Variants in PRKAR2A observed in about 807,000 individuals in gnomAD.
The protein encoded by PRKAR2A is protein kinase cAMP-dependent type II regulatory subunit alpha.
In PRKAR2A, 29 loss-of-function variants were observed where a neutral mutation model predicts 51.9. The observed-to-expected ratio is 0.56, with a 90% CI of 0.42 to 0.76. The LOEUF (loss-of-function observed/expected upper bound fraction) is 0.76, where lower values mean the gene tolerates loss of function less well. Ranked by LOEUF, PRKAR2A falls within the 30% of genes least tolerant of loss-of-function variation. The pLI, the probability that PRKAR2A is intolerant of heterozygous loss-of-function variation, is 0.00. For synonymous variants in PRKAR2A, 178 were observed against 186.2 expected (o/e 0.96, Z 0.36); for missense variants, 445 against 512.1 (o/e 0.87, Z 1.26).
intron 4 of PRKAR2A, among the ~76,000 whole-genome samples, chr3:48,785,094 CTTT>C (rs34088103): frequency 5.1e-5 from 7 of 137,384 alleles, no homozygotes; most frequent in Non-Finnish European, 3.1e-5. Flanking sequence ...GGAAAATATT[CTTT>C]TTTTTTTTTT....
At chr3:48,842,744 T>C (rs929951507) in intron 1 of PRKAR2A, among the ~76,000 whole-genome samples, 1 of 152,106 alleles carries the variant, frequency 6.6e-6, no homozygotes, top group Non-Finnish European at 1.5e-5. Flanking sequence ...TGAACCAGCC[T>C]TGCATCCCAG....
downstream of PRKAR2A, among the ~76,000 whole-genome samples, chr3:48,745,527 G>GTTTTTTTTT (rs34668049): frequency 7.1e-5 from 5 of 70,422 alleles, no homozygotes; most frequent in African/African-American, 1.2e-4. Flanking sequence ...TTTGGATAAG[G>GTTTTTTTTT]TTTTTTTTTT....
intron 1 of PRKAR2A, among the ~76,000 whole-genome samples, chr3:48,830,284 GGT>G (rs2083167799): frequency 6.6e-6 from 1 of 151,718 alleles, no homozygotes; most frequent in Non-Finnish European, 1.5e-5. Context: ...ACCTAAGCAG[GGT>G]CTGGATCATC....
chr3:48,824,822 T>G (rs1374958701), intron 1 of PRKAR2A, among the ~76,000 whole-genome samples: 4 of 151,384 alleles, frequency 2.6e-5, no homozygotes, highest in African/African-American at 9.7e-5. Context: ...GGCACACACC[T>G]GTAATCCCAG....
intron 2 of PRKAR2A, among the ~76,000 whole-genome samples, chr3:48,804,410 G>T (rs566302043): frequency 6.6e-6 from 1 of 152,000 alleles, no homozygotes; most frequent in African/African-American, 2.4e-5. Flanking sequence ...GCAATGAGCC[G>T]TGATCATGCC....
rs1345870305 is a variant in PRKAR2A at position 48,843,227 on chromosome 3, GT to G, written c.262+4107del. On this transcript the variant is annotated intron_variant, in intron 1 of 10. Coordinates refer to ENST00000265563, the MANE Select transcript of PRKAR2A (RefSeq NM_004157.4). ...GTGTTTGTAGTATTCTCTGATGGTA[GT>G]TTGTATTTCTGTGGGATCGGTGGTG... is the stretch of plus-strand genomic sequence containing the variant. 3.3e-5 allele frequency among the ~76,000 whole-genome samples: 5 copies of G among 152,234 alleles called. 1 individual carries two copies. Among genetic ancestry groups the G allele is most frequent in the African/African-American group, 1.2e-4 (5 of 41,516 alleles).
intron 8 of PRKAR2A, 116 bp downstream of exon 8, chr3:48,764,888 G>C: frequency 2.4e-6 from 2 of 842,324 alleles, no homozygotes; most frequent in Non-Finnish European, 3.8e-6. Context: ...GCCTCCCGAA[G>C]TGTTGGGATT....
At chr3:48,796,471 T>C (rs1372212502) in intron 2 of PRKAR2A, among the ~76,000 whole-genome samples, 1 of 152,158 alleles carries the variant, frequency 6.6e-6, no homozygotes, top group African/African-American at 2.4e-5. Context: ...CCTTACAACT[T>C]TGCTCTTTTT....
chr3:48,759,477 C>T (rs993010937), intron 8 of PRKAR2A, among the ~76,000 whole-genome samples: 3 of 151,812 alleles, frequency 2.0e-5, no homozygotes, highest in Non-Finnish European at 2.9e-5. Flanking sequence ...ACTTCTACCT[C>T]CTGGGTTCAA....
At chr3:48,839,745 C>A (rs534818909) in intron 1 of PRKAR2A, among the ~76,000 whole-genome samples, 2 of 152,174 alleles carry the variant, frequency 1.3e-5, no homozygotes, top group Admixed American at 6.6e-5. Flanking sequence ...ACATATGATA[C>A]TTCTTGTTCT....
intron 1 of PRKAR2A, among the ~76,000 whole-genome samples, chr3:48,841,363 G>A (rs2083378288): frequency 6.6e-6 from 1 of 151,176 alleles, no homozygotes; most frequent in African/African-American, 2.4e-5. Context: ...GGTCAATATG[G>A]TGAAACACCA....
chr3:48,772,495 C>G (rs903885761), intron 6 of PRKAR2A, among the ~76,000 whole-genome samples: 1 of 152,296 alleles, frequency 6.6e-6, no homozygotes, highest in African/African-American at 2.4e-5. Context: ...GTGTGAGTCA[C>G]CGTGCCTGGC....
chr3:48,765,326 G>T lies in PRKAR2A; in HGVS notation c.720C>A (p.Ile240=), dbSNP rs766260665. ...TCTTCTTTGCATTATTTTTCACTAT[G>T]ATTCTTCTAAAAGTCACCCGGTCCT... ...WGLDRVTFRR[I]IVKNNAKKRK... Residue 240 remains isoleucine (I), a synonymous_variant, in exon 7 of 11, where the codon ATC becomes ATA. Transcript: ENST00000265563. 2 of 1,611,108 alleles carry T rather than the reference G, an allele frequency of 1.2e-6. No individual in the cohort carries two copies. The highest frequency in any genetic ancestry group is 1.1e-5 in the South Asian group (1 of 90,522).
intron 2 of PRKAR2A, among the ~76,000 whole-genome samples, chr3:48,805,044 T>C (rs2082651688): frequency 6.6e-6 from 1 of 152,072 alleles, no homozygotes; most frequent in South Asian, 2.1e-4. Context: ...CCTGAATAGC[T>C]AGGACTACAT....
At chr3:48,794,423 A>ATGCC (rs772434364) in intron 2 of PRKAR2A, among the ~76,000 whole-genome samples, 252 of 152,114 alleles carry the variant, frequency 1.7e-3, no homozygotes, top group Non-Finnish European at 2.4e-3. Flanking sequence ...GATGTATAAT[A>ATGCC]TAAATGCTCA....
At position 48,832,807 on chromosome 3, in the gene PRKAR2A, G is replaced by A. The variant is rs144796425; in HGVS notation, c.262+14528C>T. Among the ~76,000 whole-genome samples the A allele has an allele frequency of 3.1e-3, 474 of 152,162 alleles. 5 individuals carry two copies. Among genetic ancestry groups the A allele is most frequent in the African/African-American group, 0.011 (451 of 41,528 alleles). On this transcript the variant is annotated intron_variant, in intron 1 of 10. Coordinates refer to ENST00000265563, the MANE Select transcript of PRKAR2A (RefSeq NM_004157.4). ...TTCCTACAAGTTGCTTTTTACTTGA[G>A]TAGGAACCCTTGATTGATTTTTGCT...
intron 2 of PRKAR2A, among the ~76,000 whole-genome samples, chr3:48,795,530 T>C (rs1049803247): frequency 1.3e-5 from 2 of 152,194 alleles, no homozygotes; most frequent in African/African-American, 2.4e-5. Flanking sequence ...GGTGATGGTA[T>C]AGCAATTCCA....
At chr3:48,807,861 CA>C (rs1216773857) in intron 1 of PRKAR2A, among the ~76,000 whole-genome samples, 177 bp from the exon 2 acceptor site, 1 of 152,084 alleles carries the variant, frequency 6.6e-6, no homozygotes, top group Non-Finnish European at 1.5e-5. Context: ...AATATTAAGA[CA>C]ATATAGGAAA....
rs770058362 is a variant in PRKAR2A, at chr3:48,847,631, C to T, written c.-35G>A. 9 of 1,404,876 alleles carry T rather than the reference C, an allele frequency of 6.4e-6. No individual in the cohort carries two copies. The highest frequency in any genetic ancestry group is 2.1e-4 in the Middle Eastern group (1 of 4,730). 87.0% of individuals were successfully genotyped at this position (1,404,876 alleles called of 1,614,324 possible). ...GGCCGAAGGGATAGACGGGTTGGGCCGCCGGCGGCCACTGTCTCCGCGCTC... is the reference window on the plus strand; with the variant it reads ...GGCCGAAGGGATAGACGGGTTGGGCTGCCGGCGGCCACTGTCTCCGCGCTC... On this transcript the variant is annotated 5_prime_UTR_variant, in exon 1 of 11. Coordinates refer to ENST00000265563, the MANE Select transcript of PRKAR2A (RefSeq NM_004157.4). The surrounding 1 kb of genome is among the most constrained non-coding windows in gnomAD (Gnocchi z 4.4).
Sources: gnomAD v4.1 joint callset for allele counts (sites outside exome capture counted in the v4.1 genomes callset) on GRCh38, gnomAD v4.1.1 for gene constraint, Gnocchi (gnomAD v3.1) non-coding constraint, MANE v1.5 for transcripts, NCBI Gene and HGNC (gene_info 2026-07-23, HGNC 2026-07-21) for gene names.